GPM6A: variants seen among roughly 807,000 people sequenced by gnomAD.
GPM6A encodes the protein glycoprotein M6A.
GPM6A carries 7 observed loss-of-function variants against 32.1 expected under a neutral mutation model. The ratio of observed to expected loss-of-function variants is 0.22; its 90% confidence interval spans 0.12 to 0.41. The LOEUF (loss-of-function observed/expected upper bound fraction) is 0.41, where lower values mean the gene tolerates loss of function less well. Ranked by LOEUF, GPM6A falls within the 10% of genes least tolerant of loss-of-function variation. The pLI is 1.00. For synonymous variants in GPM6A, 130 were observed against 123.4 expected, an observed-to-expected ratio of 1.05 and a Z score of -0.35; for missense variants, 235 against 347.2, an observed-to-expected ratio of 0.68 and a Z score of 2.57.
At chr4:175,804,657 T>C (rs1000434718) in intron 1 of GPM6A, among the ~76,000 whole-genome samples, 1 of 152,240 alleles carries the variant, frequency 6.6e-6, no homozygotes, top group Non-Finnish European at 1.5e-5. Flanking sequence ...AATATTTTCC[T>C]TGACAAATAA....
chr4:175,721,148 AAT>A (rs3032644), intron 1 of GPM6A, among the ~76,000 whole-genome samples: 48 of 135,190 alleles, frequency 3.6e-4, no homozygotes, highest in African/African-American at 9.6e-4. Context: ...TATATATTCT[AAT>A]ATATATATAT....
At chr4:176,001,894 G>C (rs972015687) in intron 1 of GPM6A, among the ~76,000 whole-genome samples, 11 of 152,214 alleles carry the variant, frequency 7.2e-5, no homozygotes, top group African/African-American at 2.4e-4. Context: ...GAAAACGTGG[G>C]AACTCGGGAG....
chr4:175,644,745 GTT>G (rs1236250980), intron 4 of GPM6A, among the ~76,000 whole-genome samples: 1 of 152,066 alleles, frequency 6.6e-6, no homozygotes, highest in Non-Finnish European at 1.5e-5. Flanking sequence ...CTATGGAAAA[GTT>G]TTTAGCTGAA....
chr4:175,761,295 T>C (rs1732729445), intron 1 of GPM6A, among the ~76,000 whole-genome samples: 2 of 152,172 alleles, frequency 1.3e-5, no homozygotes, highest in Admixed American at 1.3e-4. Flanking sequence ...GGTTTCACCA[T>C]GTTGGCCAGG....
intron 6 of GPM6A, among the ~76,000 whole-genome samples, chr4:175,638,251 C>A (rs1277083407): frequency 4.0e-5 from 6 of 151,564 alleles, no homozygotes; most frequent in Non-Finnish European, 5.9e-5. Flanking sequence ...CTTTATTATT[C>A]CTGGTACTAG....
intron 1 of GPM6A, among the ~76,000 whole-genome samples, chr4:175,709,674 G>T (rs1489476138): frequency 2.1e-5 from 3 of 145,256 alleles, no homozygotes; most frequent in Non-Finnish European, 4.5e-5. Context: ...GTTTCAGTGA[G>T]CCGAGATCAT....
At chr4:175,912,683 G>A (rs952939011) in intron 1 of GPM6A, among the ~76,000 whole-genome samples, 3 of 151,890 alleles carry the variant, frequency 2.0e-5, no homozygotes, top group African/African-American at 4.8e-5. Flanking sequence ...AAAGAATAAA[G>A]GTGTCAGTAC....
intron 1 of GPM6A, among the ~76,000 whole-genome samples, chr4:175,784,975 C>G (rs1733742086): frequency 6.6e-6 from 1 of 152,162 alleles, no homozygotes; most frequent in African/African-American, 2.4e-5. Context: ...AATTCATCCC[C>G]TTTCTGTATG....
chr4:175,755,660 C>A (rs1034999505), intron 1 of GPM6A, among the ~76,000 whole-genome samples: 1 of 152,134 alleles, frequency 6.6e-6, no homozygotes, highest in African/African-American at 2.4e-5. Flanking sequence ...CCTCCAATTA[C>A]GTTGGTAGTA....
rs114538408 is a variant in GPM6A at position 175,761,083 on chromosome 4, A to T, written c.37+51108T>A. ...TTATGTATCACTTTGAGAAGCAATGACACAGTCTCAGAGTCACTAGTCAAG... is the reference window on the plus strand; with the variant it reads ...TTATGTATCACTTTGAGAAGCAATGTCACAGTCTCAGAGTCACTAGTCAAG... On this transcript the variant is annotated intron_variant, in intron 1 of 6. Transcript: ENST00000393658. Among the ~76,000 whole-genome samples, 228 of 106,648 alleles carry T rather than the reference A, an allele frequency of 2.1e-3. 1 individual carries two copies. The highest frequency in any genetic ancestry group is 7.6e-3 in the African/African-American group (215 of 28,128). 70.0% of individuals were successfully genotyped at this position (106,648 alleles called of 152,430 possible). A position where few individuals can be genotyped will look rare whatever the true frequency, so the allele number is the denominator to read the frequency against.
At chr4:175,973,829 C>T (rs142832588) in intron 1 of GPM6A, among the ~76,000 whole-genome samples, 6 of 152,270 alleles carry the variant, frequency 3.9e-5, no homozygotes, top group South Asian at 4.2e-4. Context: ...TTGTCTTATC[C>T]GCTTTTAATA....
chr4:175,653,198 T>C (rs1741899964), intron 3 of GPM6A, among the ~76,000 whole-genome samples: 1 of 152,108 alleles, frequency 6.6e-6, no homozygotes, highest in Non-Finnish European at 1.5e-5. Context: ...CTTATGCACG[T>C]ATATTAAAGT....
In GPM6A at chr4:175,842,489, G is replaced by C. The variant is rs190478376; in HGVS notation, c.-22-30240C>G. Among the ~76,000 whole-genome samples the C allele has an allele frequency of 7.9e-5, 12 of 152,200 alleles. No individual in the cohort carries two copies. In the East Asian group the frequency reaches 2.1e-3, roughly 27 times the overall value. On this transcript the variant is annotated intron_variant, in intron 1 of 7. Coordinates refer to the GPM6A transcript ENST00000280187. ...GGTTCACACTTGTGATCCCAACACT[G>C]AGGCGGGAGACGTGCTTGAGTCCAG...
At chr4:175,783,934 C>A (rs1161862111) in intron 1 of GPM6A, among the ~76,000 whole-genome samples, 1 of 151,582 alleles carries the variant, frequency 6.6e-6, no homozygotes, top group Non-Finnish European at 1.5e-5. Flanking sequence ...TTTTGATATC[C>A]CTTCTTCTAG....
At chr4:175,636,972 A>G (rs1285514282) in intron 6 of GPM6A, among the ~76,000 whole-genome samples, 3 of 134,302 alleles carry the variant, frequency 2.2e-5, no homozygotes, top group South Asian at 2.2e-4. Flanking sequence ...ATATATATTT[A>G]TATATGTAAA....
chr4:175,812,301 G>GTTTTTT (rs70962418), upstream of GPM6A: 34 of 793,086 alleles, frequency 4.3e-5, 2 homozygotes, highest in East Asian at 2.2e-4. Context: ...AAAACTGGGG[G>GTTTTTT]TTTTTTTTTT....
chr4:175,785,393 C>G (rs1050060028), intron 1 of GPM6A, among the ~76,000 whole-genome samples: 4 of 152,150 alleles, frequency 2.6e-5, no homozygotes, highest in Non-Finnish European at 5.9e-5. Flanking sequence ...TCAGACAACC[C>G]ACATAACTGT....
At chr4:175,799,687 A>ATTTTT in intron 1 of GPM6A, among the ~76,000 whole-genome samples, 1 of 45,646 alleles carries the variant, frequency 2.2e-5, no homozygotes, top group South Asian at 7.2e-4. Flanking sequence ...TTTTTTTTTG[A>ATTTTT]GACGGAGTCT....
intron 1 of GPM6A, among the ~76,000 whole-genome samples, chr4:175,829,339 G>A (rs879818159): frequency 2.0e-5 from 3 of 152,254 alleles, no homozygotes; most frequent in Non-Finnish European, 4.4e-5. Context: ...CAAGTTGAAA[G>A]ATTATTTAGT....
Sources: allele counts gnomAD v4.1 joint callset (sites outside exome capture counted in the v4.1 genomes callset), GRCh38; gene constraint gnomAD v4.1.1; transcripts MANE v1.5; gene names NCBI Gene and HGNC (gene_info 2026-07-23, HGNC 2026-07-21).